TMEM248: variants seen among roughly 807,000 people sequenced by gnomAD.
TMEM248 encodes transmembrane protein 248, also known as UPF0458 protein C7orf42.
TMEM248 carries 9 observed loss-of-function variants against 30.3 expected under a neutral mutation model. That is an observed-to-expected ratio of 0.30 (90% CI 0.18 to 0.52). The LOEUF is 0.52. Ranked by LOEUF, TMEM248 falls within the 20% of genes least tolerant of loss-of-function variation. The pLI, the probability that TMEM248 is intolerant of heterozygous loss-of-function variation, is 0.97. For missense variants in TMEM248, 338 were observed against 403.3 expected (o/e 0.84, Z 1.39); for synonymous variants, 184 against 154.4 (o/e 1.19, Z -1.42).
At chr7:66,954,597 A>G (rs1792358619) in intron 6 of TMEM248, among the ~76,000 whole-genome samples, 1 of 152,002 alleles carries the variant, frequency 6.6e-6, no homozygotes, top group Non-Finnish European at 1.5e-5. Flanking sequence ...GGGTTTCGCC[A>G]CATTGCCTAG....
rs369699476 is a variant in TMEM248 at position 66,951,489 on chromosome 7, C to T, written c.780+354C>T. On this transcript the variant is annotated intron_variant, in intron 5 of 6. Coordinates refer to ENST00000341567, the MANE Select transcript of TMEM248 (RefSeq NM_017994.5). Reference sequence around the variant, plus strand: ...CATAGAAGACTATCTAGTTAGTGTCCGTGTGAACAAGAAATAGTGCTGCTT... The same window carrying T: ...CATAGAAGACTATCTAGTTAGTGTCTGTGTGAACAAGAAATAGTGCTGCTT... Among the ~76,000 whole-genome samples, 6 of 151,996 alleles carry T rather than the reference C, an allele frequency of 3.9e-5. 1 individual carries two copies. Among genetic ancestry groups the T allele is most frequent in the African/African-American group, 4.8e-5 (2 of 41,434 alleles).
rs904285448 is a variant in TMEM248, at chr7:66,928,395, A to G, written c.-19+6934A>G. Among the ~76,000 whole-genome samples the G allele has an allele frequency of 2.0e-5, 3 of 151,222 alleles. No individual in the cohort carries two copies. In the East Asian group the frequency reaches 5.9e-4, roughly 30 times the overall value. ...CTTATCAACCTTGGCATTGTGATTG[A>G]TAGCATGGCTTTTGGGGTCAGATGA... is the stretch of plus-strand genomic sequence containing the variant. On this transcript the variant is annotated intron_variant, in intron 1 of 6. Transcript: ENST00000341567.
intron 3 of TMEM248, among the ~76,000 whole-genome samples, chr7:66,947,530 G>A (rs1183236999): frequency 1.3e-5 from 2 of 151,972 alleles, no homozygotes; most frequent in Non-Finnish European, 2.9e-5. Flanking sequence ...AGACTCCCGC[G>A]TAGCTGGGAT....
chr7:66,927,438 CTT>C (rs113278701), intron 1 of TMEM248, among the ~76,000 whole-genome samples: 28 of 142,356 alleles, frequency 2.0e-4, no homozygotes, highest in Admixed American at 3.5e-4. Flanking sequence ...CTTATTTGAT[CTT>C]TTTTTTTTTT....
chr7:66,943,061 A>T (rs1472225456), intron 2 of TMEM248, among the ~76,000 whole-genome samples: 1 of 151,378 alleles, frequency 6.6e-6, no homozygotes, highest in Non-Finnish European at 1.5e-5. Context: ...AGCACAGTTC[A>T]AGTAACGAGT....
At chr7:66,926,088 A>G (rs1011391759) in intron 1 of TMEM248, among the ~76,000 whole-genome samples, 8 of 152,108 alleles carry the variant, frequency 5.3e-5, no homozygotes, top group Non-Finnish European at 1.2e-4. Flanking sequence ...CAGGCGCGAG[A>G]TGATATCTCA....
chr7:66,924,553 C>T (rs867636765), intron 1 of TMEM248, among the ~76,000 whole-genome samples: 18 of 151,984 alleles, frequency 1.2e-4, no homozygotes, highest in Admixed American at 3.3e-4. Context: ...TACAGATGCC[C>T]GCCACCATGC....
At chr7:66,931,233 G>A (rs932992437) in intron 1 of TMEM248, among the ~76,000 whole-genome samples, 3 of 149,932 alleles carry the variant, frequency 2.0e-5, no homozygotes, top group Non-Finnish European at 3.0e-5. Flanking sequence ...AACCTGGGAG[G>A]CAGAGGTTGA....
chr7:66,950,515 A>C lies in TMEM248; in HGVS notation c.597-437A>C, dbSNP rs538454027. 2.6e-5 allele frequency among the ~76,000 whole-genome samples: 4 copies of C among 152,318 alleles called. No individual in the cohort carries two copies. In the South Asian group the frequency reaches 8.3e-4, roughly 32 times the overall value. ...TAAGTTTCCTGAGGCTTCCCTGACC[A>C]TGCTGAACTGTGAGTCAATTAAGCC... On this transcript the variant is annotated intron_variant, in intron 4 of 6. Coordinates refer to ENST00000341567, the MANE Select transcript of TMEM248 (RefSeq NM_017994.5).
At chr7:66,928,193 T>C (rs1331385328) in intron 1 of TMEM248, among the ~76,000 whole-genome samples, 1 of 152,104 alleles carries the variant, frequency 6.6e-6, no homozygotes, top group African/African-American at 2.4e-5. Context: ...CCAGCCTGGG[T>C]GATGAGAGTG....
At chr7:66,936,947 T>G (rs569778422) in intron 1 of TMEM248, among the ~76,000 whole-genome samples, 5 of 152,142 alleles carry the variant, frequency 3.3e-5, no homozygotes, top group Non-Finnish European at 5.9e-5. Context: ...ATCTTTATTA[T>G]TTCTTCTAAT....
intron 1 of TMEM248, among the ~76,000 whole-genome samples, chr7:66,940,725 C>T (rs1355013614): frequency 6.6e-6 from 1 of 152,242 alleles, no homozygotes; most frequent in Non-Finnish European, 1.5e-5. Flanking sequence ...GCCGACCTCT[C>T]CTAGGTCTGG....
At chr7:66,947,104 A>G (rs769717711) in intron 3 of TMEM248, among the ~76,000 whole-genome samples, 7 of 151,058 alleles carry the variant, frequency 4.6e-5, no homozygotes, top group Non-Finnish European at 1.0e-4. Context: ...AGTCCCAGCT[A>G]CTTGTGAGGC....
In TMEM248 at chr7:66,953,143, A is replaced by G. The variant is rs976539910; in HGVS notation, c.781-83A>G. On this transcript the variant is annotated intron_variant, in intron 5 of 6. Transcript: ENST00000341567. ...GTTGTGGCAAGTCTGGAGGCTGTCA[A>G]TCCTGTCTCTCAAAACCCAGCATTA... 6 of 1,498,654 alleles carry G rather than the reference A, an allele frequency of 4.0e-6. No homozygotes were observed. The African/African-American group carries it at 5.6e-5, about 14-fold the overall frequency. 92.8% of individuals were successfully genotyped at this position (1,498,654 alleles called of 1,614,324 possible). A position where few individuals can be genotyped will look rare whatever the true frequency, so the allele number is the denominator to read the frequency against.
intron 3 of TMEM248, among the ~76,000 whole-genome samples, chr7:66,948,004 A>G (rs1792156773): frequency 6.6e-6 from 1 of 152,072 alleles, no homozygotes; most frequent in Admixed American, 6.6e-5. Context: ...CTCCTGCCTC[A>G]GCCTTCTAAA....
At chr7:66,931,831 G>A (rs189829417) in intron 1 of TMEM248, among the ~76,000 whole-genome samples, 2,776 of 106,188 alleles carry the variant, frequency 0.026, 54 homozygotes, top group Non-Finnish European at 0.031. Context: ...TTGAGGCAGA[G>A]TCTCGCTCTG....
intron 6 of TMEM248, 142 bp downstream of exon 6, chr7:66,953,511 T>C (rs1792322478): frequency 1.7e-6 from 2 of 1,192,478 alleles, no homozygotes; most frequent in East Asian, 2.4e-5. Context: ...CCGAGGAGGA[T>C]TGGTTCCAGG....
At position 66,949,531 on chromosome 7, in the gene TMEM248, T is replaced by C. The variant is rs1266095047; in HGVS notation, c.596+837T>C. On this transcript the variant is annotated intron_variant, in intron 4 of 6. Coordinates refer to ENST00000341567, the MANE Select transcript of TMEM248 (RefSeq NM_017994.5). ...TGTTCATCTCCATTATCCAGAAAGA[T>C]ATTTTAAAATCGTTGATTTTAGTTT... Among the ~76,000 whole-genome samples, 7 of 152,322 alleles carry C rather than the reference T, an allele frequency of 4.6e-5. No homozygotes were observed. The South Asian group carries it at 1.4e-3, about 32-fold the overall frequency.
intron 4 of TMEM248, among the ~76,000 whole-genome samples, chr7:66,949,698 A>G (rs1792210801): frequency 6.6e-6 from 1 of 152,212 alleles, no homozygotes; most frequent in Admixed American, 6.5e-5. Flanking sequence ...TAGTTTTAAA[A>G]TCAAATATAA....
Sources: gnomAD v4.1 joint callset for allele counts (sites outside exome capture counted in the v4.1 genomes callset) on GRCh38, gnomAD v4.1.1 for gene constraint, MANE v1.5 for transcripts, NCBI Gene and HGNC (gene_info 2026-07-23, HGNC 2026-07-21) for gene names.